Variants in LMX1A observed in about 807,000 individuals in gnomAD.
LMX1A encodes LIM homeobox transcription factor 1-alpha.
In LMX1A, 15 loss-of-function variants were observed where a neutral mutation model predicts 49.1. The observed-to-expected ratio is 0.31, with a 90% CI of 0.20 to 0.47. The LOEUF (loss-of-function observed/expected upper bound fraction) is 0.47, where lower values mean the gene tolerates loss of function less well. Among genes scored for constraint, LMX1A ranks in the 20% least tolerant of loss-of-function variants. The pLI is 1.00. For missense variants in LMX1A, 372 were observed against 475.8 expected (o/e 0.78, Z 2.03); for synonymous variants, 167 against 185.7 (o/e 0.90, Z 0.82).
At chr1:165,282,504 ATTGT>A (rs971044048) in intron 3 of LMX1A, among the ~76,000 whole-genome samples, 5 of 152,240 alleles carry the variant, frequency 3.3e-5, no homozygotes, top group East Asian at 1.9e-4. Context: ...TTTTTATTGT[ATTGT>A]TAGTTTCTAA....
chr1:165,314,901 C>T (rs988513764), intron 3 of LMX1A, among the ~76,000 whole-genome samples: 6 of 152,178 alleles, frequency 3.9e-5, no homozygotes, highest in Non-Finnish European at 7.3e-5. Flanking sequence ...TGGAGCACAG[C>T]AATCACAGGC....
chr1:165,317,012 T>C (rs1655249750), intron 3 of LMX1A, among the ~76,000 whole-genome samples: 1 of 152,224 alleles, frequency 6.6e-6, no homozygotes, highest in South Asian at 2.1e-4. Flanking sequence ...TTTACGGAAC[T>C]GATACTTGTA....
chr1:165,269,643 C>T (rs1230796200), intron 3 of LMX1A, among the ~76,000 whole-genome samples: 3 of 152,254 alleles, frequency 2.0e-5, no homozygotes, highest in Non-Finnish European at 4.4e-5. Context: ...TGGAATCAAC[C>T]CAATGCCCAT....
chr1:165,343,757 C>A (rs1198264528), intron 3 of LMX1A, among the ~76,000 whole-genome samples: 1 of 152,088 alleles, frequency 6.6e-6, no homozygotes, highest in African/African-American at 2.4e-5. Flanking sequence ...ATAATACTGG[C>A]CAGCCATTCA....
chr1:165,213,580 G>C, intron 5 of LMX1A, 61 bp downstream of exon 5: 1 of 1,451,976 alleles, frequency 6.9e-7, no homozygotes, highest in Non-Finnish European at 9.5e-7. Flanking sequence ...ATCCCAGAGG[G>C]GTCTGAGTGC....
chr1:165,261,101 G>A (rs1373721859), intron 3 of LMX1A, among the ~76,000 whole-genome samples: 1 of 152,120 alleles, frequency 6.6e-6, no homozygotes, highest in Non-Finnish European at 1.5e-5. Flanking sequence ...GAAGCTCAGG[G>A]TCCTGAATCC....
At chr1:165,325,457 A>G (rs879907980) in intron 3 of LMX1A, among the ~76,000 whole-genome samples, 920 of 45,964 alleles carry the variant, frequency 0.02, 7 homozygotes, top group Middle Eastern at 0.061. Context: ...ATATGTATAT[A>G]CATATGTGTG....
intron 3 of LMX1A, among the ~76,000 whole-genome samples, chr1:165,250,084 G>A (rs1653002508): frequency 6.6e-6 from 1 of 152,192 alleles, no homozygotes; most frequent in East Asian, 1.9e-4. Flanking sequence ...TCAGGGGGTG[G>A]GGTGGGGGAA....
intron 3 of LMX1A, among the ~76,000 whole-genome samples, chr1:165,333,204 T>C (rs1340883069): frequency 6.6e-6 from 1 of 152,228 alleles, no homozygotes; most frequent in Non-Finnish European, 1.5e-5. Flanking sequence ...TTCACTCTTG[T>C]TGCCCAGCAA....
chr1:165,221,072 C>A (rs1239074511), intron 4 of LMX1A, among the ~76,000 whole-genome samples: 2 of 152,092 alleles, frequency 1.3e-5, no homozygotes, highest in Non-Finnish European at 2.9e-5. Flanking sequence ...AACTGAGGCC[C>A]AAGAAGAAAG....
chr1:165,250,239 A>G lies in LMX1A; in HGVS notation c.264-599T>C, dbSNP rs574945167. 2.7e-4 allele frequency among the ~76,000 whole-genome samples: 41 copies of G among 152,220 alleles called. No homozygotes were observed. The South Asian group carries it at 7.9e-3, about 29-fold the overall frequency. ...CACATGTACCCCAGAACTTAAAATA[A>G]AATTAAAAATTAAAAAAAAAGAGGA... On this transcript the variant is annotated intron_variant, in intron 3 of 8. Transcript: ENST00000342310.
At chr1:165,239,317 C>G (rs548739058) in intron 4 of LMX1A, among the ~76,000 whole-genome samples, 1 of 152,296 alleles carries the variant, frequency 6.6e-6, no homozygotes, top group East Asian at 1.9e-4. Flanking sequence ...TATATTGCCT[C>G]TAACTTTTTA....
At chr1:165,218,348 C>T (rs1028470526) in intron 4 of LMX1A, 1 of 152,244 alleles carries the variant, frequency 6.6e-6, no homozygotes, top group Non-Finnish European at 1.5e-5. Flanking sequence ...TTTTGGGCAT[C>T]CTGGCACATC....
At chr1:165,303,790 G>T (rs762543877) in intron 3 of LMX1A, among the ~76,000 whole-genome samples, 1 of 152,182 alleles carries the variant, frequency 6.6e-6, no homozygotes, top group Non-Finnish European at 1.5e-5. Context: ...AGACCCCTCT[G>T]CTCTAACAAT....
chr1:165,332,177 T>G (rs1192419176), intron 3 of LMX1A, among the ~76,000 whole-genome samples: 2 of 152,034 alleles, frequency 1.3e-5, no homozygotes, highest in East Asian at 3.9e-4. Flanking sequence ...AATAAAATTC[T>G]TTAAAAATTC....
chr1:165,213,693 T>TGTTGA lies in LMX1A; in HGVS notation c.612_616dup (p.Gln206LeufsTer21). ...AAATGAGGCCTTGAATGCTCGCCTC[T>TGTTGA]GTTGAGTTGTCAAGATGGTTCTCGG... On this transcript the variant is annotated frameshift_variant, in exon 5 of 9. Transcript: ENST00000342310. LOFTEE classifies it high-confidence loss of function. 6.2e-7 allele frequency: 1 copy of TGTTGA among 1,614,264 alleles called. No individual in the cohort carries two copies. The highest frequency in any genetic ancestry group is 8.5e-7 in the Non-Finnish European group (1 of 1,180,044).
At chr1:165,318,143 C>T (rs1655276234) in intron 3 of LMX1A, among the ~76,000 whole-genome samples, 1 of 152,190 alleles carries the variant, frequency 6.6e-6, no homozygotes, top group Non-Finnish European at 1.5e-5. Context: ...GACAGCTGTC[C>T]ATGCTACCTT....
intron 3 of LMX1A, among the ~76,000 whole-genome samples, chr1:165,319,879 CA>C (rs1655331319): frequency 6.6e-6 from 1 of 152,128 alleles, no homozygotes; most frequent in African/African-American, 2.4e-5. Context: ...CTCTACTAAG[CA>C]TTTACTTAGC....
At chr1:165,209,536 T>C (rs899042948) in intron 6 of LMX1A, among the ~76,000 whole-genome samples, 16 of 152,280 alleles carry the variant, frequency 1.1e-4, no homozygotes, top group Admixed American at 1.0e-3. Flanking sequence ...AGTGATTTAA[T>C]TAATCATGCC....
Sources: allele counts gnomAD v4.1 joint callset (sites outside exome capture counted in the v4.1 genomes callset), GRCh38; gene constraint gnomAD v4.1.1; transcripts MANE v1.5; gene names NCBI Gene and HGNC (gene_info 2026-07-23, HGNC 2026-07-21).